FCHO1: variants seen among roughly 807,000 people sequenced by gnomAD.
FCHO1 encodes FCH and mu domain containing endocytic adaptor 1, also known as F-BAR domain only protein 1.
In FCHO1, 45 loss-of-function variants were observed where a neutral mutation model predicts 114.4. The ratio of observed to expected loss-of-function variants is 0.39; its 90% CI spans 0.31 to 0.50. The LOEUF (loss-of-function observed/expected upper bound fraction) is 0.50, where lower values mean the gene tolerates loss of function less well. FCHO1 is among the 20% of genes least tolerant of loss of function. The pLI, the probability that FCHO1 is intolerant of heterozygous loss-of-function variation, is 0.77. For synonymous variants in FCHO1, 480 were observed against 488.9 expected (o/e 0.98, Z 0.24); for missense variants, 1,042 against 1,209.6 (o/e 0.86, Z 2.06).
intron 13 of FCHO1, 67 bp from the exon 14 acceptor site, chr19:17,774,989 G>A: frequency 3.8e-6 from 6 of 1,574,770 alleles, no homozygotes; most frequent in Non-Finnish European, 5.2e-6. Context: ...GTCCAGTGTT[G>A]GGGGCTGACA....
rs952771372 is a variant in FCHO1, at chr19:17,751,854, G to C, written c.-183+277G>C. ...TCAAACAGGAGGTCATTGGCAGACA[G>C]ACCAGGGGCAAAATCACAGTCAGCC... On this transcript the variant is annotated intron_variant, in intron 1 of 28. Coordinates refer to ENST00000596536, the MANE Select transcript of FCHO1 (RefSeq NM_015122.3). The surrounding 1 kb of genome is among the most constrained non-coding windows in gnomAD (Gnocchi z 4.4). Among the ~76,000 whole-genome samples the C allele has an allele frequency of 6.6e-6, 1 of 152,238 alleles. No individual in the cohort carries two copies. The highest frequency in any genetic ancestry group is 2.4e-5 in the African/African-American group (1 of 41,474).
In FCHO1 at chr19:17,775,328, G is replaced by A. The variant is rs769871590; in HGVS notation, c.946-128G>A. ...GCCCACACACCCAGGGAAGACAGTCGTTGCCATCAGGGTTGGTTTTGAGGT... is the reference window on the plus strand; with the variant it reads ...GCCCACACACCCAGGGAAGACAGTCATTGCCATCAGGGTTGGTTTTGAGGT... On this transcript the variant is annotated intron_variant, in intron 14 of 28. Coordinates refer to ENST00000596536, the MANE Select transcript of FCHO1 (RefSeq NM_015122.3). This position sits in a 1 kb window ranked among gnomAD's most constrained non-coding sequence, Gnocchi z 5.1. The A allele has an allele frequency of 9.2e-6, 9 of 979,762 alleles. No homozygotes were observed. Among genetic ancestry groups the A allele is most frequent in the Non-Finnish European group, 1.5e-5 (9 of 614,808 alleles). The allele number at this position is 979,762 out of a possible 1,614,324, so 60.7% of individuals were successfully genotyped here.
intron 26 of FCHO1, among the ~76,000 whole-genome samples, chr19:17,786,315 A>G (rs2093885708): frequency 6.6e-6 from 1 of 151,994 alleles, no homozygotes; most frequent in Non-Finnish European, 1.5e-5. Flanking sequence ...CCGGGGCGAC[A>G]GAGGGAGACA....
chr19:17,762,293 CTT>C (rs10666882), intron 4 of FCHO1, among the ~76,000 whole-genome samples: 4 of 146,816 alleles, frequency 2.7e-5, no homozygotes, highest in Non-Finnish European at 3.0e-5. Flanking sequence ...GCTCAACACA[CTT>C]TTTTTTTTTT....
At position 17,776,109 on chromosome 19, in the gene FCHO1, C is replaced by A; in HGVS notation, c.1130C>A (p.Ala377Glu). 1 of 1,612,782 alleles carries A rather than the reference C, an allele frequency of 6.2e-7. No individual in the cohort carries two copies. The highest frequency in any genetic ancestry group is 8.5e-7 in the Non-Finnish European group (1 of 1,179,900). ...RAPACSPEAA[A>E]AQLRATAGSL... Reference sequence around the variant, plus strand: ...CCAGCCTGCAGCCCCGAGGCAGCAGCGGCACAGCTCAGGGCCACCGCGGGC... The same window carrying A: ...CCAGCCTGCAGCCCCGAGGCAGCAGAGGCACAGCTCAGGGCCACCGCGGGC... Residue 377 changes from alanine to glutamate, a missense_variant, in exon 16 of 29, where the codon GCG becomes GAG. By Grantham distance (107) the Ala-to-Glu change is moderately radical. Coordinates refer to ENST00000596536, the MANE Select transcript of FCHO1 (RefSeq NM_015122.3). This position sits in a 1 kb window ranked among gnomAD's most constrained non-coding sequence, Gnocchi z 4.4.
chr19:17,754,937 C>T (rs1173068492), intron 3 of FCHO1, 181 bp from the exon 4 acceptor site: 5 of 568,486 alleles, frequency 8.8e-6, no homozygotes, highest in Non-Finnish European at 1.6e-5. Flanking sequence ...TCCCCCTCTA[C>T]TGGAGCTACT....
At position 17,776,417 on chromosome 19, in the gene FCHO1, C is replaced by T. The variant is rs1199634289; in HGVS notation, c.1207+146C>T. ...AGTCTCCTTTTCTGTAAAATGAGGT[C>T]ATTATGAAATTAAGTGAGAGCTGAA... is the stretch of plus-strand genomic sequence containing the variant. On this transcript the variant is annotated intron_variant, in intron 17 of 28. Coordinates refer to ENST00000596536, the MANE Select transcript of FCHO1 (RefSeq NM_015122.3). The surrounding 1 kb of genome is among the most constrained non-coding windows in gnomAD (Gnocchi z 4.4). The T allele has an allele frequency of 1.7e-6, 2 of 1,183,646 alleles. No homozygotes were observed. Among genetic ancestry groups the T allele is most frequent in the African/African-American group, 3.0e-5 (2 of 66,540 alleles). The allele number at this position is 1,183,646 out of a possible 1,614,324, so 73.3% of individuals were successfully genotyped here.
chr19:17,782,747 A>G (rs1333182535), intron 23 of FCHO1, among the ~76,000 whole-genome samples: 1 of 152,186 alleles, frequency 6.6e-6, no homozygotes, highest in Non-Finnish European at 1.5e-5. Context: ...TAAAAAACTG[A>G]ACATTTTAAT....
rs1344889037 is a variant in FCHO1, at chr19:17,781,691, TTCCCTC to T, written c.1829-17_1829-12del. ...CACACTGTCTATCCGTTGTTCCCCA[TTCCCTC>T]TCCACCACCCCCAGGAGTCTCCCGG... On this transcript the variant is annotated splice_polypyrimidine_tract_variant and intron_variant, in intron 22 of 28. Transcript: ENST00000596536. The T allele has an allele frequency of 1.3e-6, 2 of 1,577,742 alleles. No individual in the cohort carries two copies. The highest frequency in any genetic ancestry group is 3.5e-5 in the Admixed American group (2 of 57,172).
chr19:17,781,664 T>C lies in FCHO1; in HGVS notation c.1829-48T>C, dbSNP rs756138142. 19 of 1,552,428 alleles carry C rather than the reference T, an allele frequency of 1.2e-5. 1 individual carries two copies. The South Asian group carries it at 1.8e-4, about 15-fold the overall frequency. On this transcript the variant is annotated intron_variant, in intron 22 of 28. Transcript: ENST00000596536. ...GGGAGTCTCGAGCCTGGAGCCTATA[T>C]TCACACTGTCTATCCGTTGTTCCCC...
Position 17,783,022 on chromosome 19 carries a change from T to A in FCHO1, c.1943T>A (p.Leu648Gln). 6.2e-7 allele frequency: 1 copy of A among 1,614,082 alleles called. No homozygotes were observed. Among genetic ancestry groups the A allele is most frequent in the Non-Finnish European group, 8.5e-7 (1 of 1,179,978 alleles). Reference sequence around the variant, plus strand: ...AGTCCCCTCATCCTCCCTAGCTGCCTGGCTCGAGTAACTGGGGAGCTGACC... The same window carrying A: ...AGTCCCCTCATCCTCCCTAGCTGCCAGGCTCGAGTAACTGGGGAGCTGACC... ...AYFRGHSPSCLARVTGELTMT... is the reference protein window; with the variant it reads ...AYFRGHSPSCQARVTGELTMT... Residue 648 changes from leucine to glutamine, a missense_variant, in exon 24 of 29, where the codon CTG becomes CAG. Leu to Gln is a moderately radical substitution (Grantham distance 113). Coordinates refer to ENST00000596536, the MANE Select transcript of FCHO1 (RefSeq NM_015122.3).
At position 17,770,812 on chromosome 19, in the gene FCHO1, G is replaced by A. The variant is rs779685174; in HGVS notation, c.510G>A (p.Lys170=). 3.1e-6 allele frequency: 5 copies of A among 1,614,184 alleles called. No individual in the cohort carries two copies. The South Asian group carries it at 4.4e-5, about 14-fold the overall frequency. ...EMDKAETKTK[K]AAESLRRSVE... ...TGTAGGCGGAGACTAAAACCAAGAA[G>A]GCGGCAGAGAGCCTGCGGCGCTCAG... is the stretch of plus-strand genomic sequence containing the variant. Residue 170 remains lysine, a synonymous_variant, in exon 9 of 29, where the codon AAG becomes AAA. Transcript: ENST00000596536.
At chr19:17,783,690 C>T (rs1297278611) in intron 24 of FCHO1, among the ~76,000 whole-genome samples, 1 of 151,998 alleles carries the variant, frequency 6.6e-6, no homozygotes, top group African/African-American at 2.4e-5. Context: ...AAGTGATTCT[C>T]TTGCCTCAGC....
intron 28 of FCHO1, 44 bp from the exon 29 acceptor site, chr19:17,788,240 A>AACC: frequency 1.5e-6 from 1 of 655,836 alleles, no homozygotes; most frequent in Non-Finnish European, 2.7e-6. Context: ...CCCCTCCCGT[A>AACC]CCCCTCCTCC....
chr19:17,766,656 T>C lies in FCHO1; in HGVS notation c.195-13T>C, dbSNP rs767245618. 2 of 1,613,934 alleles carry C rather than the reference T, an allele frequency of 1.2e-6. No individual in the cohort carries two copies. The highest frequency in any genetic ancestry group is 3.3e-5 in the Admixed American group (2 of 60,006). Reference sequence around the variant, plus strand: ...GCCTGATGAACCCTGGGTGTGACCTTGCCCGCCCCCAGGACCTTCGCCCCG... The same window carrying C: ...GCCTGATGAACCCTGGGTGTGACCTCGCCCGCCCCCAGGACCTTCGCCCCG... On this transcript the variant is annotated splice_polypyrimidine_tract_variant and intron_variant, in intron 6 of 28. Transcript: ENST00000596536.
At chr19:17,759,767 T>C (rs897417010) in intron 4 of FCHO1, among the ~76,000 whole-genome samples, 22 of 151,760 alleles carry the variant, frequency 1.4e-4, no homozygotes, top group African/African-American at 5.3e-4. Flanking sequence ...ACCCTGTCTA[T>C]ACTAAAAATA....
At position 17,784,602 on chromosome 19, in the gene FCHO1, C is replaced by T. The variant is rs2093706042; in HGVS notation, c.2227-123C>T. On this transcript the variant is annotated intron_variant, in intron 25 of 28. Coordinates refer to ENST00000596536, the MANE Select transcript of FCHO1 (RefSeq NM_015122.3). The surrounding 1 kb of genome is among the most constrained non-coding windows in gnomAD (Gnocchi z 5.3). Reference sequence around the variant, plus strand: ...TACAGCCTCTCATCCATCAAATCTCCCTGTGACTGGACCCCCTTGGGGCGG... The same window carrying T: ...TACAGCCTCTCATCCATCAAATCTCTCTGTGACTGGACCCCCTTGGGGCGG... 3 of 928,022 alleles carry T rather than the reference C, an allele frequency of 3.2e-6. No individual in the cohort carries two copies. The South Asian group carries it at 4.1e-5, about 13-fold the overall frequency. 57.5% of individuals were successfully genotyped at this position (928,022 alleles called of 1,614,324 possible).
chr19:17,785,833 C>CAA (rs36116021), intron 26 of FCHO1, among the ~76,000 whole-genome samples: 25,111 of 130,124 alleles, frequency 0.19, 2,565 homozygotes, highest in African/African-American at 0.21. Flanking sequence ...GACTCCGTCT[C>CAA]AAAAAAAAAA....
chr19:17,775,077 A>G lies in FCHO1; in HGVS notation c.942A>G (p.Ser314=). ...CCAGAGATTTCCTGGAGCCCGATTC[A>G]GGGGTGAGTGATGTGGGAGGGGTCA... ...PAAVDFLEPD[S]GTCPEVDEEG... The change falls in exon 14 of 29, where the codon TCA becomes TCG. Residue 314 remains serine (S), a synonymous_variant. Coordinates refer to ENST00000596536, the MANE Select transcript of FCHO1 (RefSeq NM_015122.3). This position sits in a 1 kb window ranked among gnomAD's most constrained non-coding sequence, Gnocchi z 5.1. The G allele has an allele frequency of 6.2e-7, 1 of 1,613,008 alleles. No individual in the cohort carries two copies. The highest frequency in any genetic ancestry group is 8.5e-7 in the Non-Finnish European group (1 of 1,179,516).
Sources: gnomAD v4.1 joint callset for allele counts (sites outside exome capture counted in the v4.1 genomes callset) on GRCh38, gnomAD v4.1.1 for gene constraint, Gnocchi (gnomAD v3.1) non-coding constraint, MANE v1.5 for transcripts, NCBI Gene and HGNC (gene_info 2026-07-23, HGNC 2026-07-21) for gene names.